UVRAG: variants seen among roughly 807,000 people sequenced by gnomAD.
The protein encoded by UVRAG is UV radiation resistance-associated gene protein.
UVRAG carries 19 observed loss-of-function variants against 78.0 expected under a neutral mutation model. The observed-to-expected ratio is 0.24, with a 90% CI of 0.17 to 0.36. The LOEUF is 0.36. Ranked by LOEUF, UVRAG falls within the 10% of genes least tolerant of loss-of-function variation. The probability of loss-of-function intolerance (pLI) is 1.00; values close to 1 mark genes in which losing one functional copy is unlikely to be tolerated. For synonymous variants in UVRAG, 323 were observed against 324.6 expected (o/e 1.00, Z 0.05); for missense variants, 740 against 853.8 (o/e 0.87, Z 1.66).
chr11:76,084,236 G>C (rs1239175873), intron 13 of UVRAG, among the ~76,000 whole-genome samples: 1 of 152,160 alleles, frequency 6.6e-6, no homozygotes, highest in Non-Finnish European at 1.5e-5. Flanking sequence ...TCCTTATTAA[G>C]ATACCCATTA....
intron 12 of UVRAG, among the ~76,000 whole-genome samples, chr11:76,026,357 A>T (rs566656212): frequency 6.6e-6 from 1 of 152,156 alleles, no homozygotes; most frequent in Non-Finnish European, 1.5e-5. Context: ...TAAGAATTAC[A>T]TATTCCTTCC....
At chr11:75,869,309 G>C (rs1461046558) in intron 3 of UVRAG, among the ~76,000 whole-genome samples, 1 of 152,208 alleles carries the variant, frequency 6.6e-6, no homozygotes, top group Non-Finnish European at 1.5e-5. Context: ...GAACTATAAA[G>C]TTCTGTTGAG....
chr11:76,107,398 T>C (rs1467315604), intron 13 of UVRAG, among the ~76,000 whole-genome samples: 1 of 152,236 alleles, frequency 6.6e-6, no homozygotes, highest in Non-Finnish European at 1.5e-5. Context: ...GTATTAATTC[T>C]ATGATTCTGA....
chr11:75,860,751 T>C (rs1946400586), intron 2 of UVRAG, among the ~76,000 whole-genome samples: 1 of 152,118 alleles, frequency 6.6e-6, no homozygotes, highest in Non-Finnish European at 1.5e-5. Context: ...TCTATCAAAG[T>C]CAAATTGTTC....
chr11:75,980,873 G>T (rs1234035531), intron 7 of UVRAG, among the ~76,000 whole-genome samples: 2 of 151,872 alleles, frequency 1.3e-5, no homozygotes, highest in Non-Finnish European at 2.9e-5. Flanking sequence ...TAGAGATGAG[G>T]TTTTGCCATG....
chr11:75,999,522 A>G (rs1237745312), intron 8 of UVRAG, among the ~76,000 whole-genome samples: 1 of 151,868 alleles, frequency 6.6e-6, no homozygotes, highest in African/African-American at 2.4e-5. Context: ...CTGGGATTAC[A>G]GGCGCACACC....
At chr11:75,877,548 C>G (rs1423735840) in intron 3 of UVRAG, among the ~76,000 whole-genome samples, 6 of 143,738 alleles carry the variant, frequency 4.2e-5, no homozygotes, top group African/African-American at 1.1e-4. Context: ...GGTGGCTGGC[C>G]GGGCGGGGGG....
intron 13 of UVRAG, among the ~76,000 whole-genome samples, chr11:76,110,313 C>G (rs927634539): frequency 6.6e-6 from 1 of 151,290 alleles, no homozygotes; most frequent in Non-Finnish European, 1.5e-5. Flanking sequence ...TATACTTTAT[C>G]TTATTTAAAC....
intron 4 of UVRAG, among the ~76,000 whole-genome samples, chr11:75,884,679 A>C (rs1194533604): frequency 6.6e-6 from 1 of 152,086 alleles, no homozygotes; most frequent in African/African-American, 2.4e-5. Context: ...TCTCCATTGA[A>C]TTACCTTGTC....
chr11:75,933,593 A>G (rs1474130822), intron 6 of UVRAG, among the ~76,000 whole-genome samples: 1 of 152,230 alleles, frequency 6.6e-6, no homozygotes, highest in African/African-American at 2.4e-5. Context: ...AACATTTGCA[A>G]ACTACCCATC....
chr11:76,085,531 A>G (rs936925938), intron 13 of UVRAG, among the ~76,000 whole-genome samples: 4 of 152,330 alleles, frequency 2.6e-5, no homozygotes, highest in Non-Finnish European at 5.9e-5. Context: ...TTGTATCAAG[A>G]CATTCTGGAT....
intron 11 of UVRAG, chr11:76,012,826 TG>T (rs1950078176): frequency 6.6e-6 from 1 of 151,480 alleles, no homozygotes; most frequent in African/African-American, 2.4e-5. Flanking sequence ...TGTGTGTGTG[TG>T]TGTGTGTGTG....
At chr11:76,059,651 A>T (rs1453349887) in intron 12 of UVRAG, among the ~76,000 whole-genome samples, 1 of 152,238 alleles carries the variant, frequency 6.6e-6, no homozygotes, top group Non-Finnish European at 1.5e-5. Context: ...ACAAAGAATT[A>T]TCCAGAGTGG....
intron 2 of UVRAG, among the ~76,000 whole-genome samples, chr11:75,853,258 C>T (rs1229149100): frequency 1.3e-5 from 2 of 151,818 alleles, no homozygotes; most frequent in African/African-American, 4.8e-5. Context: ...TGTTTAACAA[C>T]TTTTTTTAAT....
intron 8 of UVRAG, among the ~76,000 whole-genome samples, chr11:75,995,917 A>AG (rs1398220400): frequency 1.3e-5 from 2 of 152,164 alleles, no homozygotes; most frequent in Non-Finnish European, 2.9e-5. Flanking sequence ...TTCAAAAAAA[A>AG]GTCTGGACCT....
intron 3 of UVRAG, among the ~76,000 whole-genome samples, chr11:75,877,839 C>T (rs751818969): frequency 2.2e-4 from 31 of 143,492 alleles, no homozygotes; most frequent in Non-Finnish European, 4.3e-4. Context: ...ACCTCCCGGA[C>T]GGGGCGGCTG....
intron 1 of UVRAG, among the ~76,000 whole-genome samples, chr11:75,820,826 GTGAGGCAGGAGGATTGCT>G (rs1010660562): frequency 1.7e-4 from 26 of 150,532 alleles, no homozygotes; most frequent in African/African-American, 5.7e-4. Flanking sequence ...CTTTGGGAGG[GTGAGGCAGGAGGATTGCT>G]TGAGGCAGGA....
chr11:76,104,128 G>A (rs1048743382), intron 13 of UVRAG, among the ~76,000 whole-genome samples: 1 of 152,132 alleles, frequency 6.6e-6, no homozygotes, highest in Non-Finnish European at 1.5e-5. Context: ...GGAATTTCAG[G>A]CAACTCCTTC....
chr11:76,043,485 G>C (rs924903349), intron 12 of UVRAG, among the ~76,000 whole-genome samples: 8 of 152,040 alleles, frequency 5.3e-5, no homozygotes, highest in Non-Finnish European at 1.2e-4. Flanking sequence ...TTGATATATT[G>C]GTATGTGTCT....
Sources: allele counts gnomAD v4.1 joint callset (sites outside exome capture counted in the v4.1 genomes callset), GRCh38; gene constraint gnomAD v4.1.1; transcripts MANE v1.5; gene names NCBI Gene and HGNC (gene_info 2026-07-23, HGNC 2026-07-21).